The following LRCH3 variants were observed in gnomAD, a reference collection of about 807,000 sequenced individuals.
The protein encoded by LRCH3 is DISP complex protein LRCH3.
Under a neutral mutation model 104.5 loss-of-function variants are expected in LRCH3, and 68 were observed. The observed-to-expected ratio is 0.65, with a 90% confidence interval of 0.54 to 0.80. The LOEUF (loss-of-function observed/expected upper bound fraction) is 0.80. LRCH3 is among the 30% of genes least tolerant of loss of function. LRCH3 has a pLI of 0.00. For missense variants in LRCH3, 951 were observed against 953.9 expected, an observed-to-expected ratio of 1.00 and a Z score of 0.04; for synonymous variants, 344 against 361.3, an observed-to-expected ratio of 0.95 and a Z score of 0.54.
At chr3:197,868,543 T>G (rs1711623998) in intron 17 of LRCH3, among the ~76,000 whole-genome samples, 1 of 152,218 alleles carries the variant, frequency 6.6e-6, no homozygotes, top group Non-Finnish European at 1.5e-5. Flanking sequence ...ACCAACAACG[T>G]GTACAAAAAT....
At chr3:197,874,816 C>T (rs996444959) in intron 19 of LRCH3, among the ~76,000 whole-genome samples, 15 of 152,194 alleles carry the variant, frequency 9.9e-5, no homozygotes, top group African/African-American at 1.4e-4. Flanking sequence ...CACAGGCCAG[C>T]ACTTCTTCTT....
Position 197,791,551 on chromosome 3 carries a change from C to CG in LRCH3, c.262+17dup. 1.9e-6 allele frequency: 3 copies of CG among 1,544,534 alleles called. No individual in the cohort carries two copies. Among genetic ancestry groups the CG allele is most frequent in the Non-Finnish European group, 2.6e-6 (3 of 1,152,616 alleles). ...ACACCACCCGGGCGGGTGAGCGGGG[C>CG]GGGGGGCGTCTCTGCCCGTCGGAGA... On this transcript the variant is annotated intron_variant, in intron 1 of 20. Coordinates refer to ENST00000425562, the MANE Select transcript of LRCH3 (RefSeq NM_001365715.1).
At chr3:197,839,162 G>A (rs1374169411) in intron 9 of LRCH3, among the ~76,000 whole-genome samples, 159 bp from the exon 10 acceptor site, 2 of 152,158 alleles carry the variant, frequency 1.3e-5, no homozygotes, top group East Asian at 3.8e-4. Flanking sequence ...CAGCAGTATA[G>A]CATATGATGC....
In LRCH3 at chr3:197,856,152, A is replaced by G. The variant is rs765489577; in HGVS notation, c.1644+1707A>G. Among the ~76,000 whole-genome samples the G allele has an allele frequency of 6.6e-6, 1 of 152,052 alleles. No individual in the cohort carries two copies. Among genetic ancestry groups the G allele is most frequent in the Non-Finnish European group, 1.5e-5 (1 of 68,022 alleles). On this transcript the variant is annotated intron_variant, in intron 14 of 20. Coordinates refer to ENST00000425562, the MANE Select transcript of LRCH3 (RefSeq NM_001365715.1). This position sits in a 1 kb window ranked among gnomAD's most constrained non-coding sequence, Gnocchi z 4.2. ...TTTCCCTCCCTGCATGTACCCCTTG[A>G]TTAATTCCTACTCACCTATCAGGTA...
At chr3:197,882,626 C>T in intron 20 of LRCH3, 1 of 964,242 alleles carries the variant, frequency 1.0e-6, no homozygotes, top group Non-Finnish European at 1.2e-6. Flanking sequence ...TAAGAGCAAT[C>T]TCTTTTCTTT....
chr3:197,854,337 C>T lies in LRCH3; in HGVS notation c.1591-55C>T, dbSNP rs1739994547. On this transcript the variant is annotated intron_variant, in intron 13 of 20. Transcript: ENST00000425562. The surrounding 1 kb of genome is among the most constrained non-coding windows in gnomAD (Gnocchi z 4.5). ...TTGTGTGTGTATTCGTGAAATACGT[C>T]ACACGTGTGCGTAGTTTGTTTCTGA... is the stretch of plus-strand genomic sequence containing the variant. The T allele has an allele frequency of 6.9e-7, 1 of 1,450,666 alleles. No homozygotes were observed. The highest frequency in any genetic ancestry group is 9.7e-7 in the Non-Finnish European group (1 of 1,031,032). 89.9% of individuals were successfully genotyped at this position (1,450,666 alleles called of 1,614,324 possible). A position where few individuals can be genotyped will look rare whatever the true frequency, so the allele number is the denominator to read the frequency against.
Position 197,882,274 on chromosome 3 carries a change from C to T in LRCH3, c.2209-1267C>T, listed in dbSNP as rs185418507. Reference sequence around the variant, plus strand: ...CTTGGAGAAAGCACGTCTCTTCCGACAGCAAAACACTGGGCAGGTTCATTT... The same window carrying T: ...CTTGGAGAAAGCACGTCTCTTCCGATAGCAAAACACTGGGCAGGTTCATTT... On this transcript the variant is annotated intron_variant, in intron 20 of 20. Coordinates refer to ENST00000425562, the MANE Select transcript of LRCH3 (RefSeq NM_001365715.1). The T allele has an allele frequency of 1.4e-5, 14 of 985,414 alleles. No individual in the cohort carries two copies. In the African/African-American group the frequency reaches 2.4e-4, roughly 17 times the overall value. The allele number at this position is 985,414 out of a possible 1,614,324, so 61.0% of individuals were successfully genotyped here.
At position 197,883,382 on chromosome 3, in the gene LRCH3, C is replaced by T; in HGVS notation, c.2209-159C>T. On this transcript the variant is annotated intron_variant, in intron 20 of 20. Coordinates refer to ENST00000425562, the MANE Select transcript of LRCH3 (RefSeq NM_001365715.1). This position sits in a 1 kb window ranked among gnomAD's most constrained non-coding sequence, Gnocchi z 4.2. Reference sequence around the variant, plus strand: ...ACAGTGAGTGTCAGACACCATCTCTCTAACTCATATTTACACTGAGGTCAG... The same window carrying T: ...ACAGTGAGTGTCAGACACCATCTCTTTAACTCATATTTACACTGAGGTCAG... 1 of 1,401,414 alleles carries T rather than the reference C, an allele frequency of 7.1e-7. No individual in the cohort carries two copies. The highest frequency in any genetic ancestry group is 9.3e-7 in the Non-Finnish European group (1 of 1,075,038). 86.8% of individuals were successfully genotyped at this position (1,401,414 alleles called of 1,614,324 possible). A position where few individuals can be genotyped will look rare whatever the true frequency, so the allele number is the denominator to read the frequency against.
chr3:197,836,146 G>A (rs1736763278), intron 9 of LRCH3, among the ~76,000 whole-genome samples: 1 of 152,112 alleles, frequency 6.6e-6, no homozygotes, highest in Non-Finnish European at 1.5e-5. Context: ...TGTTTTTATT[G>A]CTTTTTTATT....
chr3:197,843,084 TAAAAAAAAA>T (rs11292727), intron 10 of LRCH3, among the ~76,000 whole-genome samples: 1 of 140,168 alleles, frequency 7.1e-6, no homozygotes, highest in Non-Finnish European at 1.5e-5. Context: ...GACTCTGTCT[TAAAAAAAAA>T]AAAAAAAAAA....
At chr3:197,871,692 A>T in intron 19 of LRCH3, 1 of 411,282 alleles carries the variant, frequency 2.4e-6, no homozygotes, top group East Asian at 3.8e-5. Context: ...ATAGGGATAT[A>T]AAAAGGGGCC....
chr3:197,844,447 A>G (rs919144810), intron 10 of LRCH3, among the ~76,000 whole-genome samples: 23 of 152,230 alleles, frequency 1.5e-4, no homozygotes, highest in African/African-American at 5.5e-4. Context: ...GCTGGAGTGC[A>G]GTGGTGTCAT....
At chr3:197,850,920 G>T (rs1032217530) in intron 12 of LRCH3, 1 of 828,248 alleles carries the variant, frequency 1.2e-6, no homozygotes, top group Non-Finnish European at 2.2e-6. Flanking sequence ...GCATGATTTC[G>T]TGGGGTTCTC....
At position 197,796,136 on chromosome 3, in the gene LRCH3, A is replaced by G. The variant is rs544211851; in HGVS notation, c.262+4596A>G. The stretch of plus-strand genomic sequence containing the variant: ...CGTATATGAGGAAGCTAGATAGCCA[A>G]TAGCTTTAGAGGTCAGCATTCATTC... On this transcript the variant is annotated intron_variant, in intron 1 of 20. Transcript: ENST00000425562. 7.2e-5 allele frequency among the ~76,000 whole-genome samples: 11 copies of G among 152,238 alleles called. No homozygotes were observed. In the East Asian group the frequency reaches 1.3e-3, roughly 19 times the overall value.
At chr3:197,826,830 A>G (rs1560547168) in intron 4 of LRCH3, 48 bp from the exon 5 acceptor site, 2 of 1,607,782 alleles carry the variant, frequency 1.2e-6, no homozygotes, top group Admixed American at 1.7e-5. Context: ...AAAATTCTCT[A>G]GTTGTAAAAC....
intron 3 of LRCH3, 58 bp downstream of exon 3, chr3:197,817,360 G>GTGTGTCTATATATATATATATA: frequency 1.3e-5 from 1 of 77,940 alleles, no homozygotes; most frequent in Non-Finnish European, 1.8e-5. Context: ...GTGTGTGTGT[G>GTGTGTCTATATATATATATATA]TATATATATA....
At chr3:197,880,070 C>T (rs372288683) in intron 20 of LRCH3, among the ~76,000 whole-genome samples, 10,296 of 147,262 alleles carry the variant, frequency 0.07, 423 homozygotes, top group African/African-American at 0.11. Flanking sequence ...CTCAGCCTCC[C>T]GAGTAGCTGG....
chr3:197,865,966 T>C (rs1251041767), intron 16 of LRCH3, 146 bp from the exon 17 acceptor site: 20 of 635,088 alleles, frequency 3.1e-5, no homozygotes, highest in Admixed American at 8.8e-5. Context: ...TTCATGATTA[T>C]TTTCTGTACC....
At position 197,855,669 on chromosome 3, in the gene LRCH3, A is replaced by G. The variant is rs564021247; in HGVS notation, c.1644+1224A>G. 3.9e-5 allele frequency among the ~76,000 whole-genome samples: 6 copies of G among 152,338 alleles called. No individual in the cohort carries two copies. In the East Asian group the frequency reaches 1.2e-3, roughly 29 times the overall value. On this transcript the variant is annotated intron_variant, in intron 14 of 20. Transcript: ENST00000425562. ...ACATGGAATAAGTGGTATAAGTCTG[A>G]GTGCCAAGACTTTTTTGTCAACAAA...
Sources: gnomAD v4.1 joint callset for allele counts (sites outside exome capture counted in the v4.1 genomes callset) on GRCh38, gnomAD v4.1.1 for gene constraint, Gnocchi (gnomAD v3.1) non-coding constraint, MANE v1.5 for transcripts, NCBI Gene and HGNC (gene_info 2026-07-23, HGNC 2026-07-21) for gene names.